The following ELMOD1 variants were observed in gnomAD, a reference collection of about 807,000 sequenced individuals.
The protein encoded by ELMOD1 is ELMO domain containing 1.
Under a neutral mutation model 46.7 loss-of-function variants are expected in ELMOD1, and 21 were observed. The ratio of observed to expected loss-of-function variants is 0.45; its 90% confidence interval spans 0.32 to 0.65. The LOEUF is 0.65. Among genes scored for constraint, ELMOD1 ranks in the 30% least tolerant of loss-of-function variants. The pLI, the probability that ELMOD1 is intolerant of heterozygous loss-of-function variation, is 0.04. For missense variants in ELMOD1, 348 were observed against 407.8 expected, an observed-to-expected ratio of 0.85 and a Z score of 1.26; for synonymous variants, 122 against 138.2, an observed-to-expected ratio of 0.88 and a Z score of 0.82.
Position 107,647,464 on chromosome 11 carries a change from A to G in ELMOD1, c.421-4A>G. ...CAGAGTAATCCTTTTTTTTTTTCCT[A>G]CAGTTATGGAAATTCTTGAAGCCCA... is the stretch of plus-strand genomic sequence containing the variant. On this transcript the variant is annotated splice_region_variant and splice_polypyrimidine_tract_variant and intron_variant, in intron 6 of 11. Transcript: ENST00000265840. 3.1e-6 allele frequency: 5 copies of G among 1,589,832 alleles called. No individual in the cohort carries two copies. Among genetic ancestry groups the G allele is most frequent in the Non-Finnish European group, 4.3e-6 (5 of 1,173,138 alleles).
chr11:107,633,952 T>C (rs1368211201), intron 5 of ELMOD1, among the ~76,000 whole-genome samples: 2 of 152,184 alleles, frequency 1.3e-5, no homozygotes, highest in African/African-American at 4.8e-5. Context: ...TAAAGTTCAG[T>C]ATTCCTAGGC....
intron 1 of ELMOD1, among the ~76,000 whole-genome samples, chr11:107,601,618 G>A (rs769609923): frequency 2.0e-5 from 3 of 151,622 alleles, no homozygotes; most frequent in South Asian, 2.1e-4. Flanking sequence ...GTTTTGCCAC[G>A]TTGCCCAATC....
intron 2 of ELMOD1, among the ~76,000 whole-genome samples, chr11:107,625,829 A>G (rs1241282804): frequency 6.6e-6 from 1 of 152,266 alleles, no homozygotes; most frequent in Non-Finnish European, 1.5e-5. Flanking sequence ...AATAAAAGGC[A>G]GTAACAGAAA....
intron 1 of ELMOD1, among the ~76,000 whole-genome samples, chr11:107,605,373 G>A (rs929617809): frequency 2.0e-5 from 3 of 151,792 alleles, no homozygotes; most frequent in Non-Finnish European, 4.4e-5. Flanking sequence ...CTAAGTTTTT[G>A]TACTTTTAGT....
chr11:107,594,299 ATAGT>A (rs934986785), intron 1 of ELMOD1, among the ~76,000 whole-genome samples: 2 of 152,052 alleles, frequency 1.3e-5, no homozygotes, highest in African/African-American at 2.4e-5. Context: ...CTCTGTGTTA[ATAGT>A]TAGTAGAGTG....
chr11:107,625,265 G>T (rs1591116628), intron 2 of ELMOD1: 1 of 437,188 alleles, frequency 2.3e-6, no homozygotes, highest in Non-Finnish European at 3.0e-6. Flanking sequence ...CGGGGACATT[G>T]AGCCGCTTGC....
At chr11:107,599,158 C>T (rs1865544601) in intron 1 of ELMOD1, among the ~76,000 whole-genome samples, 2 of 152,074 alleles carry the variant, frequency 1.3e-5, no homozygotes, top group African/African-American at 4.8e-5. Flanking sequence ...AGATGTAATT[C>T]CATGGCTATG....
intron 1 of ELMOD1, among the ~76,000 whole-genome samples, chr11:107,617,593 G>C (rs1865883827): frequency 1.3e-5 from 2 of 152,126 alleles, no homozygotes; most frequent in Admixed American, 6.5e-5. Flanking sequence ...TGGGGCCTGG[G>C]GCATCATTCA....
At chr11:107,624,759 A>C (rs1243640866) in intron 2 of ELMOD1, among the ~76,000 whole-genome samples, 2 of 152,186 alleles carry the variant, frequency 1.3e-5, no homozygotes, top group Non-Finnish European at 2.9e-5. Flanking sequence ...TTACACTATT[A>C]ATTAATTTAT....
chr11:107,643,754 T>C (rs368418394), intron 6 of ELMOD1: 30 of 479,578 alleles, frequency 6.3e-5, no homozygotes, highest in African/African-American at 5.8e-4. Context: ...TTGACTCTTA[T>C]GTTCTGTTGC....
chr11:107,627,155 C>T (rs188533782), intron 2 of ELMOD1, among the ~76,000 whole-genome samples: 134 of 152,192 alleles, frequency 8.8e-4, no homozygotes, highest in Non-Finnish European at 6.8e-4. Flanking sequence ...GCACAGCAAG[C>T]TGAGGTTTTA....
chr11:107,662,691 G>A (rs986510017), intron 11 of ELMOD1, among the ~76,000 whole-genome samples: 18 of 151,724 alleles, frequency 1.2e-4, no homozygotes, highest in Middle Eastern at 3.4e-3. Flanking sequence ...TTGGGTGGCC[G>A]AGGCAGGTGG....
At chr11:107,631,236 T>C (rs1030649406) in intron 4 of ELMOD1, among the ~76,000 whole-genome samples, 6 of 152,140 alleles carry the variant, frequency 3.9e-5, no homozygotes, top group African/African-American at 1.4e-4. Context: ...CCTCACTCTT[T>C]AGTCATAAAC....
intron 1 of ELMOD1, among the ~76,000 whole-genome samples, chr11:107,594,644 T>C (rs548796736): frequency 3.8e-4 from 58 of 152,356 alleles, no homozygotes; most frequent in Non-Finnish European, 5.0e-4. Flanking sequence ...ATTACAATTA[T>C]ATAAAAGTAG....
intron 11 of ELMOD1, among the ~76,000 whole-genome samples, chr11:107,657,533 A>G (rs184363196): frequency 1.6e-3 from 246 of 152,338 alleles, no homozygotes; most frequent in African/African-American, 5.7e-3. Flanking sequence ...ATCTCAATCA[A>G]TCAATCAGTC....
intron 1 of ELMOD1, among the ~76,000 whole-genome samples, chr11:107,596,326 T>C (rs1195317674): frequency 6.6e-6 from 1 of 152,110 alleles, no homozygotes; most frequent in Non-Finnish European, 1.5e-5. Context: ...AGAAACTCTG[T>C]TCCCTAAATC....
chr11:107,647,626 G>A (rs1866454401), intron 7 of ELMOD1, 25 bp downstream of exon 7: 1 of 1,604,710 alleles, frequency 6.2e-7, no homozygotes. Context: ...GGACAGCTAA[G>A]TGTTCGAGTG....
chr11:107,591,989 C>T (rs758343994), intron 1 of ELMOD1: 2 of 517,908 alleles, frequency 3.9e-6, no homozygotes, highest in Admixed American at 4.0e-5. Flanking sequence ...TGGAGCATCT[C>T]TTTCCCGGGC....
chr11:107,618,649 G>C (rs1317355108), intron 2 of ELMOD1, among the ~76,000 whole-genome samples: 4 of 152,066 alleles, frequency 2.6e-5, no homozygotes, highest in African/African-American at 9.7e-5. Flanking sequence ...AAAATTTTGT[G>C]GGCGGTCAAA....
Sources: allele counts gnomAD v4.1 joint callset (sites outside exome capture counted in the v4.1 genomes callset), GRCh38; gene constraint gnomAD v4.1.1; transcripts MANE v1.5; gene names NCBI Gene and HGNC (gene_info 2026-07-23, HGNC 2026-07-21).